Variants in GABRB2 observed in about 807,000 individuals in gnomAD.
GABRB2 encodes the protein gamma-aminobutyric acid type A receptor subunit beta2.
Under a neutral mutation model 54.7 loss-of-function variants are expected in GABRB2, and 16 were observed. That is an observed-to-expected ratio of 0.29 (90% confidence interval 0.20 to 0.44). The LOEUF is 0.44. Ranked by LOEUF, GABRB2 falls within the 20% of genes least tolerant of loss-of-function variation. The pLI is 1.00. For synonymous variants in GABRB2, 244 were observed against 233.8 expected (o/e 1.04, Z -0.40); for missense variants, 355 against 644.0 (o/e 0.55, Z 4.86).
intron 9 of GABRB2, among the ~76,000 whole-genome samples, chr5:161,295,903 T>G (rs1757368129): frequency 6.6e-6 from 1 of 152,212 alleles, no homozygotes; most frequent in South Asian, 2.1e-4. Context: ...GAAACAAAGC[T>G]GAATAAATGT....
At chr5:161,413,487 G>A (rs1418085046) in intron 4 of GABRB2, among the ~76,000 whole-genome samples, 2 of 151,912 alleles carry the variant, frequency 1.3e-5, no homozygotes, top group Non-Finnish European at 2.9e-5. Flanking sequence ...GTTCACTCAA[G>A]GTCAAAAAAT....
At chr5:161,502,384 T>A (rs1429604903) in intron 3 of GABRB2, among the ~76,000 whole-genome samples, 1 of 152,150 alleles carries the variant, frequency 6.6e-6, no homozygotes, top group Admixed American at 6.6e-5. Context: ...CATACATTTG[T>A]CTGCAAGAAT....
chr5:161,353,664 G>T (rs1371537247), intron 5 of GABRB2, among the ~76,000 whole-genome samples: 9 of 151,922 alleles, frequency 5.9e-5, no homozygotes, highest in Admixed American at 2.0e-4. Context: ...AATAATTAAG[G>T]CAGTATATTT....
rs757890412 is a variant in GABRB2 at position 161,330,821 on chromosome 5, C to T, written c.1077+62G>A. The T allele has an allele frequency of 1.6e-5, 25 of 1,605,918 alleles. No homozygotes were observed. In the African/African-American group the frequency reaches 2.9e-4, roughly 19 times the overall value. On this transcript the variant is annotated intron_variant, in intron 8 of 9. Transcript: ENST00000393959. Reference sequence around the variant, plus strand: ...TCATTTGCTCAACAAGGTCATCAACCTGTATTGCTAGCATTCTTCCATGAG... The same window carrying T: ...TCATTTGCTCAACAAGGTCATCAACTTGTATTGCTAGCATTCTTCCATGAG...
chr5:161,443,437 G>C (rs1309156927), intron 4 of GABRB2, among the ~76,000 whole-genome samples: 1 of 152,158 alleles, frequency 6.6e-6, no homozygotes, highest in Non-Finnish European at 1.5e-5. Context: ...AAGTGGCCTA[G>C]GGATATAGCC....
intron 4 of GABRB2, among the ~76,000 whole-genome samples, chr5:161,430,353 C>A (rs1757141499): frequency 6.6e-6 from 1 of 152,116 alleles, no homozygotes; most frequent in African/African-American, 2.4e-5. Context: ...TTCATCACAG[C>A]CTTAAATAAT....
At chr5:161,495,437 C>T (rs1759206301) in intron 3 of GABRB2, among the ~76,000 whole-genome samples, 1 of 151,352 alleles carries the variant, frequency 6.6e-6, no homozygotes, top group Admixed American at 6.6e-5. Flanking sequence ...TGCCATTAGA[C>T]CTTATGAAAA....
intron 9 of GABRB2, among the ~76,000 whole-genome samples, chr5:161,299,995 G>C (rs1342448984): frequency 6.6e-6 from 1 of 152,154 alleles, no homozygotes; most frequent in Non-Finnish European, 1.5e-5. Context: ...GAACATAGGT[G>C]CTGCTAAATT....
chr5:161,396,501 T>C (rs1412763619), intron 5 of GABRB2, among the ~76,000 whole-genome samples: 7 of 152,238 alleles, frequency 4.6e-5, no homozygotes, highest in African/African-American at 1.7e-4. Context: ...GAATCCCTTC[T>C]GTGGCTCTTG....
chr5:161,468,430 C>T (rs1275475860), intron 3 of GABRB2, among the ~76,000 whole-genome samples: 1 of 152,010 alleles, frequency 6.6e-6, no homozygotes, highest in East Asian at 1.9e-4. Context: ...TGACTGAAAA[C>T]CTAACTGACA....
chr5:161,341,991 C>A (rs1754181286), intron 5 of GABRB2, among the ~76,000 whole-genome samples: 1 of 119,014 alleles, frequency 8.4e-6, no homozygotes, highest in African/African-American at 3.5e-5. Context: ...ATTATTTTTT[C>A]TAGTGGGAAA....
chr5:161,523,526 A>ATGGTGT, intron 3 of GABRB2, among the ~76,000 whole-genome samples: 1 of 151,234 alleles, frequency 6.6e-6, no homozygotes, highest in Non-Finnish European at 1.5e-5. Flanking sequence ...AAATTACAAC[A>ATGGTGT]ATTTCAGATG....
chr5:161,428,288 C>CGTGTGT (rs71302909), intron 4 of GABRB2, among the ~76,000 whole-genome samples: 3,345 of 145,250 alleles, frequency 0.023, 35 homozygotes, highest in Middle Eastern at 0.028. Flanking sequence ...CAGAGAGTTA[C>CGTGTGT]GTGTGTGTGT....
intron 4 of GABRB2, among the ~76,000 whole-genome samples, chr5:161,443,770 T>C (rs1757531208): frequency 6.6e-6 from 1 of 152,194 alleles, no homozygotes; most frequent in Admixed American, 6.5e-5. Flanking sequence ...TAACTTCATC[T>C]GCCATCAAGT....
At chr5:161,449,704 A>C (rs1330448220) in intron 4 of GABRB2, among the ~76,000 whole-genome samples, 4 of 152,182 alleles carry the variant, frequency 2.6e-5, no homozygotes, top group African/African-American at 9.7e-5. Context: ...TGTGTACTAC[A>C]CATATACAAA....
chr5:161,446,595 G>A (rs1195557983), intron 4 of GABRB2, among the ~76,000 whole-genome samples: 1 of 152,040 alleles, frequency 6.6e-6, no homozygotes, highest in Non-Finnish European at 1.5e-5. Flanking sequence ...CATCTTTGAC[G>A]TGTATACTAG....
At chr5:161,424,006 T>G (rs2113153646) in intron 4 of GABRB2, among the ~76,000 whole-genome samples, 1 of 152,248 alleles carries the variant, frequency 6.6e-6, no homozygotes, top group South Asian at 2.1e-4. Flanking sequence ...AGCTGAAGCC[T>G]AATCCAGAGA....
chr5:161,401,963 A>T (rs2113083114), intron 5 of GABRB2, among the ~76,000 whole-genome samples: 1 of 152,252 alleles, frequency 6.6e-6, no homozygotes, highest in Non-Finnish European at 1.5e-5. Context: ...GCACATGAAA[A>T]TATGCCTCCT....
intron 9 of GABRB2, among the ~76,000 whole-genome samples, chr5:161,319,080 C>T (rs1758129719): frequency 6.7e-6 from 1 of 150,326 alleles, no homozygotes; most frequent in Non-Finnish European, 1.5e-5. Context: ...TATTTCTTAT[C>T]CTTTTCCAAT....
Sources: gnomAD v4.1 joint callset for allele counts (sites outside exome capture counted in the v4.1 genomes callset) on GRCh38, gnomAD v4.1.1 for gene constraint, MANE v1.5 for transcripts, NCBI Gene and HGNC (gene_info 2026-07-23, HGNC 2026-07-21) for gene names.